Variants in NEIL1 observed in about 807,000 individuals in gnomAD.
The protein encoded by NEIL1 is nei like DNA glycosylase 1, also known as endonuclease 8-like 1.
A neutral mutation model predicts 44.2 loss-of-function variants in NEIL1; 31 were observed. The observed-to-expected ratio is 0.70, with a 90% CI of 0.53 to 0.95. The LOEUF is 0.95. Ranked by LOEUF, NEIL1 falls within the 40% of genes least tolerant of loss-of-function variation. The pLI is 0.00. For missense variants in NEIL1, 549 were observed against 515.5 expected, an observed-to-expected ratio of 1.07 and a Z score of -0.63; for synonymous variants, 254 against 209.7, an observed-to-expected ratio of 1.21 and a Z score of -1.83.
intron 1 of NEIL1, 142 bp from the exon 2 acceptor site, chr15:75,348,742 T>C: frequency 6.9e-7 from 1 of 1,442,798 alleles, no homozygotes; most frequent in Non-Finnish European, 9.1e-7. Context: ...TTGAGGGCCG[T>C]GGCCAGGCCC....
chr15:75,349,443 C>G (rs1016418033), intron 2 of NEIL1, 104 bp downstream of exon 2: 6 of 1,080,612 alleles, frequency 5.6e-6, no homozygotes, highest in Admixed American at 2.7e-5. Context: ...CCTTCTGGGC[C>G]TCAGTTCTCT....
In NEIL1 at chr15:75,357,034, G is replaced by A. The variant is rs541378675; in HGVS notation, c.*2000G>A. 76 of 693,888 alleles carry A rather than the reference G, an allele frequency of 1.1e-4. No homozygotes were observed. The African/African-American group carries it at 1.2e-3, about 11-fold the overall frequency. The allele number at this position is 693,888 out of a possible 1,614,324, so 43.0% of individuals were successfully genotyped here. A position where few individuals can be genotyped will look rare whatever the true frequency, so the allele number is the denominator to read the frequency against. On this transcript the variant is annotated 3_prime_UTR_variant, in exon 10 of 10. Coordinates refer to ENST00000355059, the MANE Select transcript of NEIL1 (RefSeq NM_024608.4). The stretch of plus-strand genomic sequence containing the variant: ...ACTGAACTCCAGCTCCCACTGTACG[G>A]GGCCCTGGGCATGCCACCCAACCTG...
rs372086828 is a variant in NEIL1, at chr15:75,352,198, T to C, written c.522T>C (p.Ile174=). Residue 174 remains isoleucine, a synonymous_variant, in exon 3 of 10, where the codon ATT becomes ATC. Transcript: ENST00000355059. ...ALLDQRFFNG[I]GNYLRAEILY... is the part of the protein sequence containing the mutation. ...TGGACCAGAGGTTCTTCAATGGCAT[T>C]GGCAACTATCTGCGGGCAGAGATCC... The C allele has an allele frequency of 6.8e-6, 11 of 1,614,096 alleles. No homozygotes were observed. The highest frequency in any genetic ancestry group is 2.7e-5 in the African/African-American group (2 of 74,930).
In NEIL1 at chr15:75,347,170, G is replaced by A. The variant is rs1044096419; in HGVS notation, c.-326G>A. On this transcript the variant is annotated 5_prime_UTR_variant, in exon 1 of 10. Coordinates refer to ENST00000355059, the MANE Select transcript of NEIL1 (RefSeq NM_024608.4). Reference sequence around the variant, plus strand: ...TGTTGCTTGGCTGCGCTTCTGACAGGGCAGGCCGTGATGATGTTTGTTTAT... The same window carrying A: ...TGTTGCTTGGCTGCGCTTCTGACAGAGCAGGCCGTGATGATGTTTGTTTAT... The A allele has an allele frequency of 6.6e-6, 1 of 152,302 alleles. No individual in the cohort carries two copies. The highest frequency in any genetic ancestry group is 2.4e-5 in the African/African-American group (1 of 41,444). 9.4% of individuals were successfully genotyped at this position (152,302 alleles called of 1,614,324 possible).
At chr15:75,352,929 C>CAGG (rs2072035122) in intron 5 of NEIL1, 1 of 475,156 alleles carries the variant, frequency 2.1e-6, no homozygotes, top group Non-Finnish European at 3.9e-6. Context: ...CACCTGAGGT[C>CAGG]AGGAGTTCGA....
chr15:75,352,478 T>C, intron 4 of NEIL1, 91 bp downstream of exon 4: 1 of 1,565,476 alleles, frequency 6.4e-7, no homozygotes, highest in South Asian at 1.1e-5. Flanking sequence ...TGTCCCCAGC[T>C]TAGCTCAACA....
At chr15:75,354,391 CA>C (rs2141318497) in intron 7 of NEIL1, 39 bp from the exon 8 acceptor site, 4 of 1,613,142 alleles carry the variant, frequency 2.5e-6, no homozygotes, top group Non-Finnish European at 3.4e-6. Context: ...CACCCCTGGG[CA>C]GGATAGGACC....
intron 5 of NEIL1, 100 bp from the exon 6 acceptor site, chr15:75,353,639 C>A: frequency 7.9e-7 from 1 of 1,271,620 alleles, no homozygotes; most frequent in Non-Finnish European, 1.1e-6. Context: ...CTCAGTCCAT[C>A]AGCTTGTGTA....
intron 5 of NEIL1, 174 bp downstream of exon 5, chr15:75,352,875 C>A: frequency 3.3e-6 from 2 of 610,154 alleles, no homozygotes; most frequent in Non-Finnish European, 2.9e-6. Context: ...CGCAGTGGCT[C>A]ATGCCTGTAA....
Position 75,356,664 on chromosome 15 carries a change from CGG to C in NEIL1, c.*1633_*1634del. On this transcript the variant is annotated 3_prime_UTR_variant, in exon 10 of 10. Transcript: ENST00000355059. The surrounding 1 kb of genome is among the most constrained non-coding windows in gnomAD (Gnocchi z 5.8). The stretch of plus-strand genomic sequence containing the variant: ...GGCGCCCCGTGTCAGCAGTAGCGTC[CGG>C]GGCTTTAGGCGCCCGCAAGCTGGGG... 1 of 1,585,608 alleles carries C rather than the reference CGG, an allele frequency of 6.3e-7. No individual in the cohort carries two copies. Among genetic ancestry groups the C allele is most frequent in the Non-Finnish European group, 8.6e-7 (1 of 1,166,374 alleles).
In NEIL1 at chr15:75,356,923, C is replaced by T. The variant is rs746065621; in HGVS notation, c.*1889C>T. 6.3e-7 allele frequency: 1 copy of T among 1,599,356 alleles called. No homozygotes were observed. Among genetic ancestry groups the T allele is most frequent in the East Asian group, 2.2e-5 (1 of 44,762 alleles). The stretch of plus-strand genomic sequence containing the variant: ...CACACCTGGAGGGCAGATCCAAGAC[C>T]CACTTGGTGGCCCTGTGCCCCTCTT... On this transcript the variant is annotated 3_prime_UTR_variant, in exon 10 of 10. Transcript: ENST00000355059. This position sits in a 1 kb window ranked among gnomAD's most constrained non-coding sequence, Gnocchi z 5.8.
chr15:75,349,187 A>C lies in NEIL1; in HGVS notation c.282A>C (p.Pro94=). 6.2e-7 allele frequency: 1 copy of C among 1,609,146 alleles called. No individual in the cohort carries two copies. The change falls in exon 2 of 10, where the codon CCA becomes CCC. Residue 94 remains proline (P), a synonymous_variant. Coordinates refer to ENST00000355059, the MANE Select transcript of NEIL1 (RefSeq NM_024608.4). The stretch of plus-strand genomic sequence containing the variant: ...AGCTGGTGCCCCGCGAGGAGCTGCC[A>C]CGCCATGCCCACCTGCGCTTTTACA... The part of the protein sequence containing the change: ...SFQLVPREEL[P]RHAHLRFYTA...
At chr15:75,352,497 G>A in intron 4 of NEIL1, 105 bp from the exon 5 acceptor site, 8 of 1,544,318 alleles carry the variant, frequency 5.2e-6, no homozygotes, top group Non-Finnish European at 6.2e-6. Flanking sequence ...CAACAGGGGT[G>A]GGGAGGGGAT....
In NEIL1 at chr15:75,355,772, A is replaced by C; in HGVS notation, c.*738A>C. The C allele has an allele frequency of 2.0e-6, 2 of 978,942 alleles. No homozygotes were observed. Among genetic ancestry groups the C allele is most frequent in the Non-Finnish European group, 2.9e-6 (2 of 683,348 alleles). 60.6% of individuals were successfully genotyped at this position (978,942 alleles called of 1,614,324 possible). A position where few individuals can be genotyped will look rare whatever the true frequency, so the allele number is the denominator to read the frequency against. On this transcript the variant is annotated 3_prime_UTR_variant, in exon 10 of 10. Coordinates refer to ENST00000355059, the MANE Select transcript of NEIL1 (RefSeq NM_024608.4). ...CACCCCAAGCGTGAGGATGGGCCCTAAGGGGACTGAGCAGCAGGGTTCCCG... is the reference window on the plus strand; with the variant it reads ...CACCCCAAGCGTGAGGATGGGCCCTCAGGGGACTGAGCAGCAGGGTTCCCG...
In NEIL1 at chr15:75,354,770, C is replaced by T. The variant is rs568653147; in HGVS notation, c.1054C>T (p.Pro352Ser). The T allele has an allele frequency of 4.3e-6, 7 of 1,614,144 alleles. No individual in the cohort carries two copies. In the South Asian group the frequency reaches 4.4e-5, roughly 10 times the overall value. ...GTSLQQDPEA[P>S]TVPKKGRRKG... ...CAGCCTCCAGCAGGACCCAGAAGCT[C>T]CCACAGTGCCCAAGAAGGGGAGGAG... Residue 352 changes from proline (P) to serine (S), a missense_variant, in exon 9 of 10, where the codon CCC becomes TCC. Pro to Ser is a moderately conservative substitution (Grantham distance 74). Coordinates refer to ENST00000355059, the MANE Select transcript of NEIL1 (RefSeq NM_024608.4).
intron 1 of NEIL1, chr15:75,347,985 C>A: frequency 8.2e-7 from 1 of 1,226,970 alleles, no homozygotes; most frequent in African/African-American, 1.6e-5. Context: ...GATTCCGAAC[C>A]GCCCGGGGAC....
At chr15:75,354,001 AC>A in intron 6 of NEIL1, 135 bp downstream of exon 6, 1 of 1,254,986 alleles carries the variant, frequency 8.0e-7, no homozygotes, top group Non-Finnish European at 1.1e-6. Flanking sequence ...TGAGGGTCAC[AC>A]CCCTCCCCTC....
Position 75,352,207 on chromosome 15 carries a change from T to C in NEIL1, c.531T>C (p.Tyr177=). 1 of 1,614,228 alleles carries C rather than the reference T, an allele frequency of 6.2e-7. No homozygotes were observed. The highest frequency in any genetic ancestry group is 1.6e-4 in the Middle Eastern group (1 of 6,062). Residue 177 remains tyrosine (Y), a synonymous_variant, in exon 3 of 10, where the codon TAT becomes TAC. Coordinates refer to ENST00000355059, the MANE Select transcript of NEIL1 (RefSeq NM_024608.4). ...DQRFFNGIGN[Y]LRAEILYRLK... ...GGTTCTTCAATGGCATTGGCAACTA[T>C]CTGCGGGCAGAGATCCTGTACCGGT...
chr15:75,357,099 T>A lies in NEIL1; in HGVS notation c.*2065T>A. 1.7e-6 allele frequency: 1 copy of A among 594,386 alleles called. No homozygotes were observed. Among genetic ancestry groups the A allele is most frequent in the South Asian group, 2.0e-5 (1 of 49,204 alleles). 36.8% of individuals were successfully genotyped at this position (594,386 alleles called of 1,614,324 possible). On this transcript the variant is annotated 3_prime_UTR_variant, in exon 10 of 10. Coordinates refer to ENST00000355059, the MANE Select transcript of NEIL1 (RefSeq NM_024608.4). ...TCCTTATCTGTGAAACGGGAATAAA[T>A]AATAGTACTCACCCCATCGAATGAT...
Sources: allele counts gnomAD v4.1 joint callset, GRCh38; gene constraint gnomAD v4.1.1; non-coding constraint Gnocchi (gnomAD v3.1); transcripts MANE v1.5; gene names NCBI Gene and HGNC (gene_info 2026-07-23, HGNC 2026-07-21).